The following GABRG3 variants were observed in gnomAD, a reference collection of about 807,000 sequenced individuals.
GABRG3 encodes gamma-aminobutyric acid type A receptor subunit gamma3.
Under a neutral mutation model 48.8 loss-of-function variants are expected in GABRG3, and 25 were observed. The observed-to-expected ratio is 0.51, with a 90% CI of 0.37 to 0.72. The LOEUF (loss-of-function observed/expected upper bound fraction) is 0.72, where lower values mean the gene tolerates loss of function less well. Among genes scored for constraint, GABRG3 ranks in the 30% least tolerant of loss-of-function variants. The pLI is 0.00. For missense variants in GABRG3, 394 were observed against 577.9 expected (o/e 0.68, Z 3.26); for synonymous variants, 227 against 217.6 (o/e 1.04, Z -0.38).
chr15:27,018,872 C>T (rs1895826861), intron 2 of GABRG3, among the ~76,000 whole-genome samples: 1 of 151,796 alleles, frequency 6.6e-6, no homozygotes, highest in Non-Finnish European at 1.5e-5. Context: ...TAGTATTCTC[C>T]AAGTTAGAAA....
chr15:27,306,513 A>G (rs1892463748), intron 3 of GABRG3, among the ~76,000 whole-genome samples: 2 of 138,926 alleles, frequency 1.4e-5, no homozygotes, highest in South Asian at 2.3e-4. Flanking sequence ...GTCTATATAT[A>G]AACATATATA....
intron 2 of GABRG3, among the ~76,000 whole-genome samples, chr15:26,983,552 G>T (rs1566900090): frequency 6.6e-6 from 1 of 152,176 alleles, no homozygotes; most frequent in African/African-American, 2.4e-5. Context: ...CAGGAAGATT[G>T]CTTGAGCCCA....
intron 3 of GABRG3, among the ~76,000 whole-genome samples, chr15:27,244,333 G>A (rs913752059): frequency 6.6e-6 from 1 of 152,168 alleles, no homozygotes; most frequent in Admixed American, 6.5e-5. Context: ...GGTCCCAGGA[G>A]ACTTACTGCA....
chr15:27,223,547 A>G (rs924564965), intron 3 of GABRG3, among the ~76,000 whole-genome samples: 4 of 152,122 alleles, frequency 2.6e-5, no homozygotes, highest in Non-Finnish European at 4.4e-5. Flanking sequence ...GCATTACAAA[A>G]AAAATGGAAT....
chr15:27,486,618 C>T (rs568605633), intron 6 of GABRG3, among the ~76,000 whole-genome samples: 1 of 152,290 alleles, frequency 6.6e-6, no homozygotes, highest in East Asian at 1.9e-4. Flanking sequence ...TGTACTTGAA[C>T]ATATCTGCAC....
chr15:27,200,232 G>A (rs1888637195), intron 3 of GABRG3, among the ~76,000 whole-genome samples: 1 of 152,214 alleles, frequency 6.6e-6, no homozygotes, highest in Admixed American at 6.5e-5. Context: ...CTGTGCAGCT[G>A]TTGACCTGTT....
chr15:27,136,653 A>G (rs566183908), intron 3 of GABRG3, among the ~76,000 whole-genome samples: 101 of 152,280 alleles, frequency 6.6e-4, no homozygotes, highest in African/African-American at 2.3e-3. Flanking sequence ...AAATGGGCAA[A>G]CTTTTTTTTA....
intron 3 of GABRG3, among the ~76,000 whole-genome samples, chr15:27,054,688 G>C (rs1322177510): frequency 1.3e-5 from 2 of 152,214 alleles, no homozygotes; most frequent in Non-Finnish European, 1.5e-5. Context: ...GATCAGTCTT[G>C]ATGCCAGGGA....
rs1891501561 is a variant in GABRG3, at chr15:27,534,330, A to C, written c.*1449A>C. On this transcript the variant is annotated 3_prime_UTR_variant, in exon 10 of 10. Transcript: ENST00000615808. ...ATCCCAAAGAAAAAATATCCCCCCAAATCAATACTCTTTTGATATTTTTAT... is the reference window on the plus strand; with the variant it reads ...ATCCCAAAGAAAAAATATCCCCCCACATCAATACTCTTTTGATATTTTTAT... 1 of 152,174 alleles carries C rather than the reference A, an allele frequency of 6.6e-6. No individual in the cohort carries two copies. The highest frequency in any genetic ancestry group is 2.4e-5 in the African/African-American group (1 of 41,444). 9.4% of individuals were successfully genotyped at this position (152,174 alleles called of 1,614,324 possible). A position where few individuals can be genotyped will look rare whatever the true frequency, so the allele number is the denominator to read the frequency against.
chr15:27,404,506 T>C (rs74006927), intron 5 of GABRG3, among the ~76,000 whole-genome samples: 7,974 of 152,236 alleles, frequency 0.052, 698 homozygotes, highest in African/African-American at 0.18. Flanking sequence ...CTAGAGCTTG[T>C]GCCTATGTGA....
At chr15:27,328,105 A>G (rs1180152390) in intron 4 of GABRG3, among the ~76,000 whole-genome samples, 1 of 149,026 alleles carries the variant, frequency 6.7e-6, no homozygotes, top group Non-Finnish European at 1.5e-5. Flanking sequence ...ATTACAGCAA[A>G]AACAAACAAA....
intron 3 of GABRG3, among the ~76,000 whole-genome samples, chr15:27,147,864 A>T (rs1857192729): frequency 1.3e-5 from 2 of 151,998 alleles, no homozygotes; most frequent in African/African-American, 4.8e-5. Flanking sequence ...CTATTTTTAA[A>T]AAGTGAGATT....
intron 3 of GABRG3, among the ~76,000 whole-genome samples, chr15:27,048,851 CTG>C (rs2140707890): frequency 8.0e-6 from 1 of 125,752 alleles, no homozygotes; most frequent in Admixed American, 7.9e-5. Context: ...CCATCTCTGA[CTG>C]TATCTCCCTC....
At chr15:27,034,966 A>G (rs1199006915) in intron 3 of GABRG3, among the ~76,000 whole-genome samples, 2 of 152,124 alleles carry the variant, frequency 1.3e-5, no homozygotes, top group African/African-American at 4.8e-5. Flanking sequence ...TGTTTTGAGG[A>G]TGTAATCCTG....
At chr15:27,318,002 T>C (rs1406500331) in intron 3 of GABRG3, among the ~76,000 whole-genome samples, 1 of 152,198 alleles carries the variant, frequency 6.6e-6, no homozygotes, top group Non-Finnish European at 1.5e-5. Context: ...CCCATGCCCA[T>C]TCTTCAAGGC....
chr15:27,090,523 A>G (rs1307632955), intron 3 of GABRG3, among the ~76,000 whole-genome samples: 3 of 152,156 alleles, frequency 2.0e-5, no homozygotes, highest in South Asian at 2.1e-4. Flanking sequence ...GAGGGTTCCA[A>G]TTCCTCCACA....
chr15:27,001,919 C>A (rs1405814999), intron 2 of GABRG3, among the ~76,000 whole-genome samples: 1 of 98,718 alleles, frequency 1.0e-5, no homozygotes, highest in African/African-American at 4.0e-5. Flanking sequence ...ATGGTCAGTG[C>A]AAACTAGAGT....
At chr15:27,372,286 A>G (rs953254340) in intron 5 of GABRG3, among the ~76,000 whole-genome samples, 41 of 152,202 alleles carry the variant, frequency 2.7e-4, no homozygotes, top group African/African-American at 9.6e-4. Context: ...CGTCTGTTTT[A>G]TCAGTATAAC....
intron 3 of GABRG3, among the ~76,000 whole-genome samples, chr15:27,243,461 C>G (rs990274810): frequency 2.0e-4 from 31 of 152,160 alleles, no homozygotes; most frequent in African/African-American, 7.2e-4. Context: ...ACCCTGCTTG[C>G]AGGGGACGCT....
Sources: allele counts gnomAD v4.1 joint callset (sites outside exome capture counted in the v4.1 genomes callset), GRCh38; gene constraint gnomAD v4.1.1; transcripts MANE v1.5; gene names NCBI Gene and HGNC (gene_info 2026-07-23, HGNC 2026-07-21).